The following MMP14 variants were observed in gnomAD, a reference collection of about 807,000 sequenced individuals.
MMP14 encodes the protein matrix metalloproteinase-14.
MMP14 carries 13 observed loss-of-function variants against 64.8 expected under a neutral mutation model. The ratio of observed to expected loss-of-function variants is 0.20; its 90% confidence interval spans 0.13 to 0.32. The LOEUF is 0.32. MMP14 is among the 10% of genes least tolerant of loss of function. The pLI, the probability that MMP14 is intolerant of heterozygous loss-of-function variation, is 1.00. For synonymous variants in MMP14, 322 were observed against 315.9 expected (o/e 1.02, Z -0.20); for missense variants, 594 against 783.8 (o/e 0.76, Z 2.89).
rs17879659 is a variant in MMP14 at position 22,839,597 on chromosome 14, G to C, written c.109-1894G>C. On this transcript the variant is annotated intron_variant, in intron 1 of 9. Coordinates refer to ENST00000311852, the MANE Select transcript of MMP14 (RefSeq NM_004995.4). ...CGGGTTCTAGCTCGCATCAGCCTTG[G>C]GGGGGGATCACTTCCCAGAACCATG... Among the ~76,000 whole-genome samples the C allele has an allele frequency of 9.7e-4, 148 of 152,258 alleles. 2 individuals carry two copies. In the South Asian group the frequency reaches 0.021, roughly 22 times the overall value.
In MMP14 at chr14:22,845,413, G is replaced by A. The variant is rs761575659; in HGVS notation, c.1417+47G>A. 13 of 1,392,968 alleles carry A rather than the reference G, an allele frequency of 9.3e-6. No homozygotes were observed. The South Asian group carries it at 1.5e-4, about 16-fold the overall frequency. The allele number at this position is 1,392,968 out of a possible 1,614,324, so 86.3% of individuals were successfully genotyped here. ...GTCGCTGAGAGAAGGATGGGAATAGGGAGTTGAGGAAGAGCGGGAGGGAAG... is the reference window on the plus strand; with the variant it reads ...GTCGCTGAGAGAAGGATGGGAATAGAGAGTTGAGGAAGAGCGGGAGGGAAG... On this transcript the variant is annotated intron_variant, in intron 9 of 9. Coordinates refer to ENST00000311852, the MANE Select transcript of MMP14 (RefSeq NM_004995.4).
Position 22,843,348 on chromosome 14 carries a change from T to C in MMP14, c.780T>C (p.Phe260=). The change falls in exon 5 of 10, where the codon TTT becomes TTC. Residue 260 remains phenylalanine, a synonymous_variant. Transcript: ENST00000311852. The surrounding 1 kb of genome is among the most constrained non-coding windows in gnomAD (Gnocchi z 4.8). ...SSDPSAIMAP[F]YQWMDTENFV... is the part of the protein sequence containing the mutation. ...ACCCCTCGGCCATCATGGCACCCTTTTACCAGTGGATGGACACGGAGAATT... is the reference window on the plus strand; with the variant it reads ...ACCCCTCGGCCATCATGGCACCCTTCTACCAGTGGATGGACACGGAGAATT... 1.9e-6 allele frequency: 3 copies of C among 1,614,078 alleles called. No homozygotes were observed. Among genetic ancestry groups the C allele is most frequent in the Non-Finnish European group, 2.5e-6 (3 of 1,180,024 alleles).
chr14:22,840,997 T>C (rs1259806320), intron 1 of MMP14, among the ~76,000 whole-genome samples: 1 of 152,178 alleles, frequency 6.6e-6, no homozygotes, highest in Admixed American at 6.5e-5. Context: ...TCTAAAAAGA[T>C]CTCAGCTGTG....
Position 22,842,625 on chromosome 14 carries a change from T to C in MMP14, c.596T>C (p.Leu199Pro), listed in dbSNP as rs1168437251. The change falls in exon 4 of 10, where the codon CTG becomes CCG. Residue 199 changes from leucine to proline, a missense_variant. Around this residue, in one of 4 missense-constraint regions of MMP14, gnomAD observed 179 missense variants for 283.4 expected, o/e 0.63. Transcript: ENST00000311852. This position sits in a 1 kb window ranked among gnomAD's most constrained non-coding sequence, Gnocchi z 5.3. Reference protein sequence around the residue: ...STPFDGEGGFLAHAYFPGPNI... With the variant: ...STPFDGEGGFPAHAYFPGPNI... ...CCCTTCGATGGTGAGGGCGGCTTCC[T>C]GGCCCATGCCTACTTCCCAGGCCCC... The C allele has an allele frequency of 2.5e-6, 4 of 1,614,086 alleles. No homozygotes were observed. In the African/African-American group the frequency reaches 5.3e-5, roughly 22 times the overall value.
At chr14:22,837,494 G>A (rs534809228) in intron 1 of MMP14, 22 of 440,074 alleles carry the variant, frequency 5.0e-5, no homozygotes, top group Non-Finnish European at 8.2e-5. Context: ...GTCTCCCCGA[G>A]AGGACCCCGC....
In MMP14 at chr14:22,836,748, C is replaced by A. The variant is rs538038205; in HGVS notation, c.-70C>A. The A allele has an allele frequency of 3.0e-3, 2,653 of 884,308 alleles. 14 individuals are homozygous for A. The highest frequency in any genetic ancestry group is 5.5e-3 in the South Asian group (293 of 53,520). 54.8% of individuals were successfully genotyped at this position (884,308 alleles called of 1,614,324 possible). ...AGACAAAGGCGCCCCGAGGGAGTGG[C>A]GGTGCGACCCCAGGGCGTGGGCCCG... On this transcript the variant is annotated 5_prime_UTR_variant, in exon 1 of 10. Transcript: ENST00000311852.
chr14:22,839,962 C>CTTTTTTTTTTTT (rs577502772), intron 1 of MMP14, among the ~76,000 whole-genome samples: 6 of 90,802 alleles, frequency 6.6e-5, no homozygotes, highest in African/African-American at 2.6e-4. Flanking sequence ...GCTTGTTTTA[C>CTTTTTTTTTTTT]TTTTTTTTTT....
Position 22,842,508 on chromosome 14 carries a change from G to T in MMP14, c.479G>T (p.Arg160Leu). ...VWESATPLRF[R>L]EVPYAYIREG... ...GAGAGTGCCACACCACTGCGCTTCCGCGAGGTGCCCTATGCCTACATCCGT... is the reference window on the plus strand; with the variant it reads ...GAGAGTGCCACACCACTGCGCTTCCTCGAGGTGCCCTATGCCTACATCCGT... The change falls in exon 4 of 10, where the codon CGC becomes CTC. Residue 160 changes from arginine (R) to leucine (L), a missense_variant. By Grantham distance (102) the Arg-to-Leu change is moderately radical (BLOSUM62 -2). Coordinates refer to ENST00000311852, the MANE Select transcript of MMP14 (RefSeq NM_004995.4). The surrounding 1 kb of genome is among the most constrained non-coding windows in gnomAD (Gnocchi z 5.3). 1.2e-6 allele frequency: 2 copies of T among 1,614,024 alleles called. No homozygotes were observed. The highest frequency in any genetic ancestry group is 1.7e-6 in the Non-Finnish European group (2 of 1,179,960).
rs967731546 is a variant in MMP14 at position 22,842,404 on chromosome 14, C to A, written c.381-6C>A. 3.1e-6 allele frequency: 5 copies of A among 1,605,970 alleles called. No individual in the cohort carries two copies. Among genetic ancestry groups the A allele is most frequent in the Non-Finnish European group, 4.3e-6 (5 of 1,175,122 alleles). On this transcript the variant is annotated splice_polypyrimidine_tract_variant and splice_region_variant and intron_variant, in intron 3 of 9. Transcript: ENST00000311852. The surrounding 1 kb of genome is among the most constrained non-coding windows in gnomAD (Gnocchi z 5.3). ...CCCATCCTCTCCCCACGTGGCTGGA[C>A]CTCAGCATCCAGAATTACACCCCCA...
rs2039783184 is a variant in MMP14, at chr14:22,842,856, A to G, written c.688+139A>G. The G allele has an allele frequency of 3.2e-6, 3 of 941,424 alleles. No individual in the cohort carries two copies. The highest frequency in any genetic ancestry group is 4.6e-6 in the Non-Finnish European group (3 of 645,228). 58.3% of individuals were successfully genotyped at this position (941,424 alleles called of 1,614,324 possible). Reference sequence around the variant, plus strand: ...TGATCTAACTTCTGACAAAAGCAGGAGTCCTGTTTGAGCTATTTACATCTG... The same window carrying G: ...TGATCTAACTTCTGACAAAAGCAGGGGTCCTGTTTGAGCTATTTACATCTG... On this transcript the variant is annotated intron_variant, in intron 4 of 9. Coordinates refer to ENST00000311852, the MANE Select transcript of MMP14 (RefSeq NM_004995.4). The surrounding 1 kb of genome is among the most constrained non-coding windows in gnomAD (Gnocchi z 5.3).
Position 22,845,779 on chromosome 14 carries a change from T to C in MMP14, c.1489T>C (p.Tyr497His), listed in dbSNP as rs1442419564. 4 of 1,614,066 alleles carry C rather than the reference T, an allele frequency of 2.5e-6. No individual in the cohort carries two copies. In the African/African-American group the frequency reaches 5.3e-5, roughly 22 times the overall value. ...CCAGAAGCTGAAGGTAGAACCGGGCTACCCCAAGTCAGCCCTGAGGGACTG... is the reference window on the plus strand; with the variant it reads ...CCAGAAGCTGAAGGTAGAACCGGGCCACCCCAAGTCAGCCCTGAGGGACTG... ...NNQKLKVEPG[Y>H]PKSALRDWMG... is the part of the protein sequence containing the mutation. The change falls in exon 10 of 10, where the codon TAC becomes CAC. Residue 497 changes from tyrosine (Y) to histidine (H), a missense_variant. This residue lies in a region of MMP14 where 364 missense variants were observed against 425.2 expected (regional missense o/e 0.86). Coordinates refer to ENST00000311852, the MANE Select transcript of MMP14 (RefSeq NM_004995.4).
chr14:22,843,680 C>A lies in MMP14; in HGVS notation c.851-30C>A, dbSNP rs1296378119. ...CTTCCGTCCCCGCCTCCTCCTAAGT[C>A]TGAAATGCCCCTCGTGTTTTCTGCC... is the stretch of plus-strand genomic sequence containing the variant. On this transcript the variant is annotated intron_variant, in intron 5 of 9. Transcript: ENST00000311852. The surrounding 1 kb of genome is among the most constrained non-coding windows in gnomAD (Gnocchi z 4.8). 2 of 1,577,914 alleles carry A rather than the reference C, an allele frequency of 1.3e-6. No individual in the cohort carries two copies. The highest frequency in any genetic ancestry group is 1.7e-6 in the Non-Finnish European group (2 of 1,165,476).
Position 22,836,836 on chromosome 14 carries a change from C to G in MMP14, c.19C>G (p.Pro7Ala). The G allele has an allele frequency of 1.2e-6, 2 of 1,611,142 alleles. No individual in the cohort carries two copies. Among genetic ancestry groups the G allele is most frequent in the Non-Finnish European group, 1.7e-6 (2 of 1,178,188 alleles). The part of the protein sequence containing the change: MSPAPR[P>A]PRCLLLPLLT... Reference sequence around the variant, plus strand: ...TCGGACCATGTCTCCCGCCCCAAGACCCCCCCGTTGTCTCCTGCTCCCCCT... The same window carrying G: ...TCGGACCATGTCTCCCGCCCCAAGAGCCCCCCGTTGTCTCCTGCTCCCCCT... Residue 7 changes from proline to alanine, a missense_variant, in exon 1 of 10, where the codon CCC (proline) becomes GCC (alanine). This residue lies in a region of MMP14 where 45 missense variants were observed against 48.8 expected (regional missense o/e 0.92). Coordinates refer to ENST00000311852, the MANE Select transcript of MMP14 (RefSeq NM_004995.4).
intron 1 of MMP14, among the ~76,000 whole-genome samples, chr14:22,840,247 G>C (rs369926468): frequency 5.3e-5 from 8 of 152,110 alleles, no homozygotes; most frequent in Non-Finnish European, 7.4e-5. Flanking sequence ...GATTACAGGC[G>C]TCAGCCACCA....
At position 22,847,406 on chromosome 14, in the gene MMP14, A is replaced by G. The variant is rs2039823089; in HGVS notation, c.*1367A>G. On this transcript the variant is annotated 3_prime_UTR_variant, in exon 10 of 10. Coordinates refer to ENST00000311852, the MANE Select transcript of MMP14 (RefSeq NM_004995.4). ...CCTTGGGCCACCAAAGGTGGTGGCC[A>G]TGGTACCGGGGACTTGGGAGAGTGA... The G allele has an allele frequency of 1.9e-5, 2 of 105,570 alleles. No individual in the cohort carries two copies. Among genetic ancestry groups the G allele is most frequent in the African/African-American group, 7.3e-5 (2 of 27,470 alleles). The allele number at this position is 105,570 out of a possible 1,614,324, so 6.5% of individuals were successfully genotyped here. A position where few individuals can be genotyped will look rare whatever the true frequency, so the allele number is the denominator to read the frequency against.
chr14:22,845,855 C>G lies in MMP14; in HGVS notation c.1565C>G (p.Thr522Arg), dbSNP rs150346850. The G allele has an allele frequency of 1.3e-5, 21 of 1,614,124 alleles. No individual in the cohort carries two copies. In the Admixed American group the frequency reaches 2.2e-4, roughly 17 times the overall value. ...GRPDEGTEEE[T>R]EVIIIEVDEE... is the part of the protein sequence containing the mutation. ...CCGGATGAGGGGACTGAGGAGGAGA[C>G]GGAGGTGATCATCATTGAGGTGGAC... The change falls in exon 10 of 10, where the codon ACG (threonine) becomes AGG (arginine). Residue 522 changes from threonine to arginine, a missense_variant. Coordinates refer to ENST00000311852, the MANE Select transcript of MMP14 (RefSeq NM_004995.4).
chr14:22,838,489 T>TC (rs1288080032), intron 1 of MMP14, among the ~76,000 whole-genome samples: 1 of 151,542 alleles, frequency 6.6e-6, no homozygotes, highest in Admixed American at 6.6e-5. Flanking sequence ...GAGCTGGAGG[T>TC]CCCCCCACCC....
In MMP14 at chr14:22,842,346, A is replaced by C; in HGVS notation, c.381-64A>C. The stretch of plus-strand genomic sequence containing the variant: ...AGTCAGACCTGGGAGAGTGCAGGGA[A>C]GGAGAATGTTGCCCCTCTTTATCCT... On this transcript the variant is annotated intron_variant, in intron 3 of 9. Coordinates refer to ENST00000311852, the MANE Select transcript of MMP14 (RefSeq NM_004995.4). The surrounding 1 kb of genome is among the most constrained non-coding windows in gnomAD (Gnocchi z 5.3). 32 of 1,534,612 alleles carry C rather than the reference A, an allele frequency of 2.1e-5. No homozygotes were observed. Among genetic ancestry groups the C allele is most frequent in the Non-Finnish European group, 2.2e-5 (25 of 1,127,116 alleles).
Position 22,843,360 on chromosome 14 carries a change from G to A in MMP14, c.792G>A (p.Met264Ile). ...TCATGGCACCCTTTTACCAGTGGAT[G>A]GACACGGAGAATTTTGTGCTGCCCG... ...SAIMAPFYQW[M>I]DTENFVLPDD... Residue 264 changes from methionine (M) to isoleucine (I), a missense_variant, in exon 5 of 10, where the codon ATG becomes ATA. Met to Ile is a conservative substitution (Grantham distance 10). This residue lies in a region of MMP14 where 364 missense variants were observed against 425.2 expected (regional missense o/e 0.86). Coordinates refer to ENST00000311852, the MANE Select transcript of MMP14 (RefSeq NM_004995.4). The surrounding 1 kb of genome is among the most constrained non-coding windows in gnomAD (Gnocchi z 4.8). 6.2e-7 allele frequency: 1 copy of A among 1,614,060 alleles called. No individual in the cohort carries two copies. Among genetic ancestry groups the A allele is most frequent in the Non-Finnish European group, 8.5e-7 (1 of 1,180,024 alleles).
Sources: gnomAD v4.1 joint callset for allele counts (sites outside exome capture counted in the v4.1 genomes callset) on GRCh38, gnomAD v4.1.1 for gene constraint, gnomAD v4.1.1 regional missense constraint, Gnocchi (gnomAD v3.1) non-coding constraint, MANE v1.5 for transcripts, NCBI Gene and HGNC (gene_info 2026-07-23, HGNC 2026-07-21) for gene names.